The following MPPED2 variants were observed in gnomAD, a reference collection of about 807,000 sequenced individuals.
MPPED2 encodes metallophosphoesterase domain containing 2.
In MPPED2, 5 loss-of-function variants were observed where a neutral mutation model predicts 33.0. The ratio of observed to expected loss-of-function variants is 0.15; its 90% CI spans 0.08 to 0.32. The LOEUF (loss-of-function observed/expected upper bound fraction) is 0.32, where lower values mean the gene tolerates loss of function less well. MPPED2 is among the 10% of genes least tolerant of loss of function. MPPED2 has a pLI of 1.00. For synonymous variants in MPPED2, 136 were observed against 141.9 expected (o/e 0.96, Z 0.29); for missense variants, 275 against 372.1 (o/e 0.74, Z 2.15).
chr11:30,518,854 C>T (rs116965200), intron 3 of MPPED2, among the ~76,000 whole-genome samples: 1,761 of 152,192 alleles, frequency 0.012, 16 homozygotes, highest in Non-Finnish European at 0.018. Context: ...TCTCCAGATG[C>T]GTTACAAAAG....
chr11:30,501,959 G>A (rs1373971671), intron 3 of MPPED2, among the ~76,000 whole-genome samples: 1 of 152,168 alleles, frequency 6.6e-6, no homozygotes, highest in Admixed American at 6.5e-5. Flanking sequence ...CCCAGGGATG[G>A]AGAAGGGCAG....
intron 4 of MPPED2, among the ~76,000 whole-genome samples, chr11:30,435,049 C>T (rs542652173): frequency 1.5e-4 from 23 of 152,298 alleles, no homozygotes; most frequent in Middle Eastern, 3.4e-3. Context: ...GACAATGTGT[C>T]AGAATCATGA....
At chr11:30,548,777 A>G (rs1490522721) in intron 2 of MPPED2, among the ~76,000 whole-genome samples, 2 of 152,218 alleles carry the variant, frequency 1.3e-5, no homozygotes, top group African/African-American at 4.8e-5. Context: ...GAAAGGATCA[A>G]CAAAGGTGAG....
At chr11:30,484,779 C>G (rs912526087) in intron 4 of MPPED2, among the ~76,000 whole-genome samples, 1 of 152,164 alleles carries the variant, frequency 6.6e-6, no homozygotes, top group East Asian at 1.9e-4. Flanking sequence ...TTCTACGTAT[C>G]CAGATCATAA....
At chr11:30,562,751 T>C (rs1956288386) in intron 2 of MPPED2, among the ~76,000 whole-genome samples, 1 of 152,132 alleles carries the variant, frequency 6.6e-6, no homozygotes, top group African/African-American at 2.4e-5. Context: ...GGGCTGCCAG[T>C]AGGCCATACG....
At chr11:30,567,303 C>G in intron 2 of MPPED2, among the ~76,000 whole-genome samples, 1 of 152,160 alleles carries the variant, frequency 6.6e-6, no homozygotes, top group Non-Finnish European at 1.5e-5. Flanking sequence ...AACAATGAGG[C>G]TTACCCAGAG....
rs574910015 is a variant in MPPED2, at chr11:30,438,674, G to A, written c.537-21041C>T. ...CTTCTGAGCTTCAGCTTCTTTAGGT[G>A]AAAGACATTACTATTCTCGATCCTA... On this transcript the variant is annotated intron_variant, in intron 4 of 6. Transcript: ENST00000358117. 1.2e-4 allele frequency among the ~76,000 whole-genome samples: 18 copies of A among 152,332 alleles called. 1 individual carries two copies. In the South Asian group the frequency reaches 3.7e-3, roughly 32 times the overall value.
rs1343631362 is a variant in MPPED2, at chr11:30,422,838, T to C, written c.537-5205A>G. The stretch of plus-strand genomic sequence containing the variant: ...CCCTTCTAGGGAGAGATTAGAAAAC[T>C]AGAAGGAAGGAGAGCAACTCCATCT... On this transcript the variant is annotated intron_variant, in intron 4 of 6. Transcript: ENST00000358117. Among the ~76,000 whole-genome samples the C allele has an allele frequency of 4.6e-5, 7 of 152,136 alleles. No homozygotes were observed. In the East Asian group the frequency reaches 9.7e-4, roughly 21 times the overall value.
chr11:30,539,771 C>G (rs1955002150), intron 2 of MPPED2, among the ~76,000 whole-genome samples: 1 of 152,104 alleles, frequency 6.6e-6, no homozygotes, highest in African/African-American at 2.4e-5. Context: ...TGGGCACAGG[C>G]AACCACACCC....
intron 6 of MPPED2, among the ~76,000 whole-genome samples, chr11:30,403,813 C>G (rs1350799731): frequency 1.3e-5 from 2 of 152,122 alleles, no homozygotes; most frequent in Non-Finnish European, 2.9e-5. Context: ...CATTTCTGAT[C>G]TACTACTATG....
intron 6 of MPPED2, among the ~76,000 whole-genome samples, chr11:30,404,514 G>A (rs1947958446): frequency 6.6e-6 from 1 of 152,202 alleles, no homozygotes; most frequent in South Asian, 2.1e-4. Flanking sequence ...ACTTGGGATT[G>A]ACACTGCCAT....
chr11:30,393,612 T>C (rs1590151048), intron 6 of MPPED2, among the ~76,000 whole-genome samples: 2 of 152,286 alleles, frequency 1.3e-5, no homozygotes, highest in East Asian at 1.9e-4. Flanking sequence ...GTTTAGAACT[T>C]CATCCTCTGT....
chr11:30,424,343 G>T (rs1007587435), intron 4 of MPPED2, among the ~76,000 whole-genome samples: 1 of 152,118 alleles, frequency 6.6e-6, no homozygotes, highest in African/African-American at 2.4e-5. Context: ...TTTCACATAC[G>T]CTTTCTTTTC....
chr11:30,427,836 A>G (rs1253577639), intron 4 of MPPED2, among the ~76,000 whole-genome samples: 1 of 152,038 alleles, frequency 6.6e-6, no homozygotes, highest in African/African-American at 2.4e-5. Flanking sequence ...TTCTTTTTTT[A>G]TTTAACTTTT....
At chr11:30,565,523 G>A (rs1479035511) in intron 2 of MPPED2, among the ~76,000 whole-genome samples, 2 of 152,086 alleles carry the variant, frequency 1.3e-5, no homozygotes, top group Admixed American at 1.3e-4. Flanking sequence ...AGCTCCTCCA[G>A]CTCCAACCCT....
intron 2 of MPPED2, among the ~76,000 whole-genome samples, chr11:30,576,226 T>C (rs1956923734): frequency 1.3e-5 from 2 of 152,276 alleles, no homozygotes; most frequent in East Asian, 1.9e-4. Flanking sequence ...TATTCACAGT[T>C]GGTTATACAG....
intron 2 of MPPED2, among the ~76,000 whole-genome samples, chr11:30,566,941 A>G (rs556123720): frequency 2.0e-5 from 3 of 152,304 alleles, no homozygotes; most frequent in African/African-American, 4.8e-5. Flanking sequence ...GGACAAAGCT[A>G]GAGAGAGAAA....
At chr11:30,427,441 G>T (rs978430042) in intron 4 of MPPED2, among the ~76,000 whole-genome samples, 3 of 152,206 alleles carry the variant, frequency 2.0e-5, no homozygotes, top group African/African-American at 7.2e-5. Flanking sequence ...TAGCAAGAAA[G>T]CCTGCTACCT....
intron 3 of MPPED2, among the ~76,000 whole-genome samples, chr11:30,527,540 C>T (rs892743757): frequency 2.0e-5 from 3 of 151,448 alleles, no homozygotes; most frequent in Non-Finnish European, 4.4e-5. Context: ...GGGGAGAGGA[C>T]AGGAAATGGG....
Sources: gnomAD v4.1 joint callset for allele counts (sites outside exome capture counted in the v4.1 genomes callset) on GRCh38, gnomAD v4.1.1 for gene constraint, MANE v1.5 for transcripts, NCBI Gene and HGNC (gene_info 2026-07-23, HGNC 2026-07-21) for gene names.